SGCZ: variants seen among roughly 807,000 people sequenced by gnomAD.
SGCZ encodes the protein sarcoglycan zeta.
SGCZ carries 40 observed loss-of-function variants against 41.3 expected under a neutral mutation model. That is an observed-to-expected ratio of 0.97 (90% confidence interval 0.75 to 1.26). The LOEUF is 1.26. Among genes scored for constraint, SGCZ ranks in the 50% most tolerant of loss-of-function variants. SGCZ has a pLI of 0.00. For missense variants in SGCZ, 552 were observed against 369.8 expected (o/e 1.49, Z -4.04); for synonymous variants, 206 against 137.5 (o/e 1.50, Z -3.49).
At chr8:14,756,343 G>T (rs1799666135) in intron 1 of SGCZ, among the ~76,000 whole-genome samples, 1 of 151,954 alleles carries the variant, frequency 6.6e-6, no homozygotes, top group South Asian at 2.1e-4. Flanking sequence ...GCACCACCAT[G>T]CACGGCTAAT....
intron 1 of SGCZ, among the ~76,000 whole-genome samples, chr8:15,107,675 T>A (rs957317929): frequency 4.6e-5 from 7 of 152,178 alleles, no homozygotes; most frequent in Non-Finnish European, 7.3e-5. Context: ...ATTTTTGTTT[T>A]AAGTTACCCA....
chr8:14,581,218 C>T (rs1313587030), intron 1 of SGCZ, among the ~76,000 whole-genome samples: 1 of 152,074 alleles, frequency 6.6e-6, no homozygotes, highest in African/African-American at 2.4e-5. Flanking sequence ...AAGCGATTCT[C>T]CTGCCTCAGC....
At chr8:14,324,556 T>C (rs1802029969) in intron 2 of SGCZ, among the ~76,000 whole-genome samples, 1 of 152,156 alleles carries the variant, frequency 6.6e-6, no homozygotes, top group Non-Finnish European at 1.5e-5. Context: ...TAACTTTGTT[T>C]GCAGAGAAAT....
At chr8:14,413,565 AG>A (rs1283558169) in intron 2 of SGCZ, among the ~76,000 whole-genome samples, 1 of 152,016 alleles carries the variant, frequency 6.6e-6, no homozygotes, top group African/African-American at 2.4e-5. Context: ...CCATCTCTAG[AG>A]GTCATTATAT....
chr8:15,063,004 A>G (rs1209429897), intron 1 of SGCZ, among the ~76,000 whole-genome samples: 1 of 152,162 alleles, frequency 6.6e-6, no homozygotes, highest in African/African-American at 2.4e-5. Flanking sequence ...CTCACAGTGT[A>G]CCTGAGGATG....
chr8:14,517,336 T>C (rs924434120), intron 2 of SGCZ, among the ~76,000 whole-genome samples: 1 of 152,116 alleles, frequency 6.6e-6, no homozygotes, highest in African/African-American at 2.4e-5. Flanking sequence ...ACATGATCTC[T>C]TTCATTTTAG....
chr8:14,814,309 A>T (rs1420725208), intron 1 of SGCZ, among the ~76,000 whole-genome samples: 1 of 152,070 alleles, frequency 6.6e-6, no homozygotes, highest in Non-Finnish European at 1.5e-5. Flanking sequence ...TATAGAAGGG[A>T]CTGAAGCTCT....
chr8:14,217,778 C>T (rs994651727), intron 4 of SGCZ, among the ~76,000 whole-genome samples: 6 of 151,658 alleles, frequency 4.0e-5, no homozygotes, highest in Non-Finnish European at 8.8e-5. Context: ...TACAGGTGAA[C>T]ACCACCACGC....
At chr8:14,237,537 C>G in intron 4 of SGCZ, 55 bp downstream of exon 4, 1 of 1,515,836 alleles carries the variant, frequency 6.6e-7, no homozygotes, top group Non-Finnish European at 9.1e-7. Context: ...AAACCAAAAA[C>G]AACAACAAAA....
At chr8:14,323,441 G>A (rs576493102) in intron 3 of SGCZ, among the ~76,000 whole-genome samples, 1 of 152,114 alleles carries the variant, frequency 6.6e-6, no homozygotes, top group East Asian at 1.9e-4. Flanking sequence ...CAGGGGGAAT[G>A]TAATAGATAT....
At chr8:15,024,389 T>C (rs1803369545) in intron 1 of SGCZ, among the ~76,000 whole-genome samples, 2 of 152,176 alleles carry the variant, frequency 1.3e-5, no homozygotes, top group Non-Finnish European at 2.9e-5. Context: ...ATTCTGCAAA[T>C]ATTTAGTGAG....
At chr8:15,081,985 ACGC>A (rs1157768930) in intron 1 of SGCZ, among the ~76,000 whole-genome samples, 7 of 152,204 alleles carry the variant, frequency 4.6e-5, no homozygotes, top group African/African-American at 1.7e-4. Context: ...TTTATTATTC[ACGC>A]TTCTTAACTG....
chr8:14,801,117 C>A (rs1444566488), intron 1 of SGCZ, among the ~76,000 whole-genome samples: 1 of 152,128 alleles, frequency 6.6e-6, no homozygotes, highest in African/African-American at 2.4e-5. Context: ...AGCCAATCTA[C>A]AAAAGATCTA....
chr8:14,362,686 C>T (rs1184750936), intron 2 of SGCZ, among the ~76,000 whole-genome samples: 1 of 152,114 alleles, frequency 6.6e-6, no homozygotes, highest in East Asian at 1.9e-4. Flanking sequence ...TTTGGCTCAC[C>T]CTCTGCGGGC....
chr8:14,479,677 T>TA (rs1801467583), intron 2 of SGCZ, among the ~76,000 whole-genome samples: 1 of 147,788 alleles, frequency 6.8e-6, no homozygotes, highest in Admixed American at 6.8e-5. Flanking sequence ...TTTAATGTGA[T>TA]AAAAACTAAC....
At chr8:14,461,023 C>T (rs1800886986) in intron 2 of SGCZ, among the ~76,000 whole-genome samples, 1 of 151,948 alleles carries the variant, frequency 6.6e-6, no homozygotes, top group Non-Finnish European at 1.5e-5. Flanking sequence ...TCTTCTCATC[C>T]CATAGCACTT....
At chr8:15,148,140 T>C (rs924754825) in intron 1 of SGCZ, among the ~76,000 whole-genome samples, 1 of 152,254 alleles carries the variant, frequency 6.6e-6, no homozygotes, top group African/African-American at 2.4e-5. Flanking sequence ...AATTAGTTTC[T>C]ACTTAGCTAA....
At chr8:14,329,125 G>C (rs1276771531) in intron 2 of SGCZ, among the ~76,000 whole-genome samples, 1 of 152,078 alleles carries the variant, frequency 6.6e-6, no homozygotes, top group Non-Finnish European at 1.5e-5. Context: ...AACTGACTAG[G>C]GCACATGTGA....
intron 4 of SGCZ, among the ~76,000 whole-genome samples, chr8:14,228,225 CA>C (rs1806440651): frequency 1.3e-5 from 2 of 152,126 alleles, no homozygotes; most frequent in African/African-American, 4.8e-5. Flanking sequence ...TATGGAACTC[CA>C]ATGCACCTGC....
Sources: allele counts gnomAD v4.1 joint callset (sites outside exome capture counted in the v4.1 genomes callset), GRCh38; gene constraint gnomAD v4.1.1; transcripts MANE v1.5; gene names NCBI Gene and HGNC (gene_info 2026-07-23, HGNC 2026-07-21).